ACLY: variants seen among roughly 807,000 people sequenced by gnomAD.
ACLY encodes the protein ATP-citrate synthase.
A neutral mutation model predicts 133.0 loss-of-function variants in ACLY; 41 were observed. The observed-to-expected ratio is 0.31, with a 90% confidence interval of 0.24 to 0.40. The LOEUF is 0.40. Ranked by LOEUF, ACLY falls within the 10% of genes least tolerant of loss-of-function variation. The pLI, the probability that ACLY is intolerant of heterozygous loss-of-function variation, is 1.00. For missense variants in ACLY, 1,046 were observed against 1,453.8 expected, an observed-to-expected ratio of 0.72 and a Z score of 4.56; for synonymous variants, 495 against 549.3, an observed-to-expected ratio of 0.90 and a Z score of 1.38.
chr17:41,911,619 C>T (rs1043603139), intron 3 of ACLY, among the ~76,000 whole-genome samples: 2 of 152,140 alleles, frequency 1.3e-5, no homozygotes, highest in Admixed American at 1.3e-4. Flanking sequence ...AGTTCGAGAC[C>T]AGCCTGGGTA....
At chr17:41,909,949 G>C (rs782708928) in intron 4 of ACLY, among the ~76,000 whole-genome samples, 1 of 152,172 alleles carries the variant, frequency 6.6e-6, no homozygotes, top group Non-Finnish European at 1.5e-5. Context: ...ACCAACCCCA[G>C]CTGAGGGGTG....
intron 15 of ACLY, 143 bp downstream of exon 15, chr17:41,892,890 G>T: frequency 9.9e-7 from 1 of 1,005,600 alleles, no homozygotes; most frequent in Non-Finnish European, 1.4e-6. Flanking sequence ...GTTGCCCAGG[G>T]CTGGTCTCAA....
At chr17:41,906,135 A>G (rs2049709799) in intron 8 of ACLY, among the ~76,000 whole-genome samples, 1 of 152,188 alleles carries the variant, frequency 6.6e-6, no homozygotes, top group South Asian at 2.1e-4. Context: ...TGATCCTAAT[A>G]TTCTATAAAG....
At chr17:41,929,553 A>G (rs1311811886) in intron 1 of ACLY, among the ~76,000 whole-genome samples, 1 of 152,206 alleles carries the variant, frequency 6.6e-6, no homozygotes, top group Non-Finnish European at 1.5e-5. Flanking sequence ...ACAGGCACAC[A>G]GAACTTTTAA....
In ACLY at chr17:41,878,829, G is replaced by T; in HGVS notation, c.2361C>A (p.Pro787=). The change falls in exon 21 of 29, where the codon CCC becomes CCA. Residue 787 remains proline (P), a synonymous_variant. Coordinates refer to ENST00000352035, the MANE Select transcript of ACLY (RefSeq NM_001096.3). ...TCTCTCCAAGCTCATCAAAGCTCCG[G>T]GGCACAAACACTCCTGCTTCCTTCA... ...QALKEAGVFV[P]RSFDELGEII... 6.2e-7 allele frequency: 1 copy of T among 1,614,002 alleles called. No individual in the cohort carries two copies. Among genetic ancestry groups the T allele is most frequent in the Non-Finnish European group, 8.5e-7 (1 of 1,179,960 alleles).
chr17:41,868,925 T>G (rs1368109721), intron 27 of ACLY, 118 bp downstream of exon 27: 9 of 1,355,208 alleles, frequency 6.6e-6, no homozygotes, highest in South Asian at 1.2e-5. Flanking sequence ...TGTTTTCTTC[T>G]TTATACCTCT....
chr17:41,871,897 C>T, intron 24 of ACLY, 65 bp from the exon 25 acceptor site: 2 of 1,603,984 alleles, frequency 1.2e-6, no homozygotes, highest in East Asian at 2.2e-5. Flanking sequence ...GGCAAACCAA[C>T]CCAGTGTGTC....
chr17:41,884,714 G>A (rs181041357), intron 18 of ACLY, among the ~76,000 whole-genome samples: 71 of 152,218 alleles, frequency 4.7e-4, no homozygotes, highest in Non-Finnish European at 7.4e-4. Context: ...GCGAAACCCC[G>A]TCTCTACTAA....
rs186877298 is a variant in ACLY, at chr17:41,893,945, G to T, written c.1460-771C>A. Reference sequence around the variant, plus strand: ...AGGTAAGGCGCAGGTCAGGTGTGGTGGCTCACGCCTGTAATCCCAGCACTT... The same window carrying T: ...AGGTAAGGCGCAGGTCAGGTGTGGTTGCTCACGCCTGTAATCCCAGCACTT... On this transcript the variant is annotated intron_variant, in intron 14 of 28. Coordinates refer to ENST00000352035, the MANE Select transcript of ACLY (RefSeq NM_001096.3). 2.7e-4 allele frequency among the ~76,000 whole-genome samples: 41 copies of T among 152,302 alleles called. 1 individual carries two copies. The East Asian group carries it at 7.9e-3, about 29-fold the overall frequency.
intron 23 of ACLY, among the ~76,000 whole-genome samples, chr17:41,873,494 C>G (rs1555625457): frequency 6.6e-6 from 1 of 152,128 alleles, no homozygotes; most frequent in African/African-American, 2.4e-5. Flanking sequence ...AAGGTACTTT[C>G]TATCTGTTCA....
chr17:41,905,388 G>T, intron 9 of ACLY, 134 bp downstream of exon 9: 1 of 1,228,648 alleles, frequency 8.1e-7, no homozygotes, highest in Non-Finnish European at 1.2e-6. Flanking sequence ...GAGAGCCAAA[G>T]TTCAATGATT....
At position 41,915,243 on chromosome 17, in the gene ACLY, G is replaced by A. The variant is rs570137216; in HGVS notation, c.-23-1347C>T. 3.3e-5 allele frequency among the ~76,000 whole-genome samples: 5 copies of A among 152,306 alleles called. No individual in the cohort carries two copies. The East Asian group carries it at 5.8e-4, about 18-fold the overall frequency. ...AGGACTGAGCTGGGGAGGGGAATCG[G>A]GGGAGGTGGGCATGGAAATTCAGGC... On this transcript the variant is annotated intron_variant, in intron 1 of 28. Transcript: ENST00000352035.
chr17:41,873,507 A>C (rs2048652634), intron 23 of ACLY, among the ~76,000 whole-genome samples: 2 of 152,118 alleles, frequency 1.3e-5, no homozygotes, highest in South Asian at 4.1e-4. Context: ...TCTGTTCAGC[A>C]GCTCCACCAG....
At chr17:41,875,579 T>C (rs1238913111) in intron 22 of ACLY, among the ~76,000 whole-genome samples, 5 of 152,144 alleles carry the variant, frequency 3.3e-5, no homozygotes, top group Admixed American at 6.5e-5. Context: ...GTGCCTGCGA[T>C]TGCAGGCGCG....
At chr17:41,899,474 C>T (rs1404489071) in intron 11 of ACLY, among the ~76,000 whole-genome samples, 1 of 152,108 alleles carries the variant, frequency 6.6e-6, no homozygotes, top group Non-Finnish European at 1.5e-5. Flanking sequence ...TCTGGCCCTG[C>T]TTCTCCCTCT....
At chr17:41,878,752 T>A in intron 21 of ACLY, 45 bp downstream of exon 21, 1 of 1,608,592 alleles carries the variant, frequency 6.2e-7, no homozygotes, top group Non-Finnish European at 8.5e-7. Flanking sequence ...CAGGAGGGAT[T>A]TGGAAAGGAG....
intron 7 of ACLY, 27 bp from the exon 8 acceptor site, chr17:41,906,673 C>A: frequency 2.5e-6 from 4 of 1,601,044 alleles, no homozygotes; most frequent in Non-Finnish European, 3.4e-6. Flanking sequence ...AACAGGTAGG[C>A]CCTTGGGGTA....
intron 20 of ACLY, 28 bp downstream of exon 20, chr17:41,883,094 G>T: frequency 1.3e-6 from 2 of 1,592,740 alleles, no homozygotes; most frequent in Non-Finnish European, 1.7e-6. Context: ...CCCACTCCCA[G>T]CCCAGAAGTG....
intron 13 of ACLY, among the ~76,000 whole-genome samples, chr17:41,897,192 G>C (rs73307768): frequency 6.6e-6 from 1 of 152,124 alleles, no homozygotes; most frequent in African/African-American, 2.4e-5. Context: ...CACTTATGTA[G>C]AGCTGGCTGC....
Sources: allele counts gnomAD v4.1 joint callset (sites outside exome capture counted in the v4.1 genomes callset), GRCh38; gene constraint gnomAD v4.1.1; transcripts MANE v1.5; gene names NCBI Gene and HGNC (gene_info 2026-07-23, HGNC 2026-07-21).